Variants in PID1 observed in about 807,000 individuals in gnomAD.
PID1 encodes phosphotyrosine interaction domain containing 1.
A neutral mutation model predicts 19.1 loss-of-function variants in PID1; 10 were observed. That is an observed-to-expected ratio of 0.52 (90% CI 0.32 to 0.89). The LOEUF (loss-of-function observed/expected upper bound fraction) is 0.89, where lower values mean the gene tolerates loss of function less well. PID1 is among the 40% of genes least tolerant of loss of function. PID1 has a pLI of 0.03. For synonymous variants in PID1, 130 were observed against 116.0 expected (o/e 1.12, Z -0.78); for missense variants, 248 against 285.3 (o/e 0.87, Z 0.94).
At chr2:229,253,629 T>G (rs1690211349) in intron 1 of PID1, among the ~76,000 whole-genome samples, 1 of 150,888 alleles carries the variant, frequency 6.6e-6, no homozygotes, top group Non-Finnish European at 1.5e-5. Context: ...TTTCTCCATC[T>G]CCCAGTTAAG....
At chr2:229,126,914 A>G (rs933085169) in intron 2 of PID1, among the ~76,000 whole-genome samples, 1 of 152,214 alleles carries the variant, frequency 6.6e-6, no homozygotes, top group African/African-American at 2.4e-5. Flanking sequence ...ACACTCTAAT[A>G]AGGCGAAGCT....
intron 1 of PID1, among the ~76,000 whole-genome samples, chr2:229,202,851 A>G (rs1559283138): frequency 6.6e-6 from 1 of 152,112 alleles, no homozygotes; most frequent in Non-Finnish European, 1.5e-5. Context: ...AGAATAACAG[A>G]TATATGGTTA....
chr2:229,158,933 G>A (rs1690437158), intron 1 of PID1, among the ~76,000 whole-genome samples: 1 of 152,092 alleles, frequency 6.6e-6, no homozygotes, highest in Admixed American at 6.5e-5. Context: ...AGGCTGTGAA[G>A]GGTAGGGGGG....
At chr2:229,064,992 C>T (rs1474342325) in intron 2 of PID1, among the ~76,000 whole-genome samples, 3 of 152,060 alleles carry the variant, frequency 2.0e-5, no homozygotes, top group Non-Finnish European at 4.4e-5. Context: ...CCTGGAGTAG[C>T]CTTTTAAGTG....
chr2:229,252,812 A>G (rs1351786489), intron 1 of PID1, among the ~76,000 whole-genome samples: 2 of 152,184 alleles, frequency 1.3e-5, no homozygotes, highest in African/African-American at 4.8e-5. Context: ...GTTGCACAAC[A>G]CTTCCCCAAA....
intron 1 of PID1, among the ~76,000 whole-genome samples, chr2:229,221,666 A>T (rs1301473566): frequency 6.6e-6 from 1 of 152,176 alleles, no homozygotes; most frequent in Non-Finnish European, 1.5e-5. Context: ...GGCCACAGAT[A>T]ATCATGCTCA....
Position 229,271,197 on chromosome 2 carries a change from T to C in PID1, c.-154A>G, listed in dbSNP as rs1690729882. The C allele has an allele frequency of 4.7e-5, 35 of 739,320 alleles. No homozygotes were observed. In the South Asian group the frequency reaches 7.0e-4, roughly 15 times the overall value. 45.8% of individuals were successfully genotyped at this position (739,320 alleles called of 1,614,324 possible). A position where few individuals can be genotyped will look rare whatever the true frequency, so the allele number is the denominator to read the frequency against. ...CCGCCGCCGGGTGGGCGTAGGGGGC[T>C]GCGAGCAGGAGGAGGCGCGGCGCTC... is the stretch of plus-strand genomic sequence containing the variant. On this transcript the variant is annotated 5_prime_UTR_variant, in exon 1 of 3. Coordinates refer to ENST00000392055, the MANE Select transcript of PID1 (RefSeq NM_001100818.2).
chr2:229,264,848 G>A (rs1690550984), intron 1 of PID1, among the ~76,000 whole-genome samples: 1 of 152,168 alleles, frequency 6.6e-6, no homozygotes, highest in Non-Finnish European at 1.5e-5. Flanking sequence ...CCCACACCCA[G>A]CATAGTACTT....
chr2:229,033,064 C>T lies in PID1; in HGVS notation c.178-6956G>A, dbSNP rs185940079. Among the ~76,000 whole-genome samples the T allele has an allele frequency of 8.5e-5, 13 of 152,192 alleles. No individual in the cohort carries two copies. The South Asian group carries it at 1.0e-3, about 12-fold the overall frequency. On this transcript the variant is annotated intron_variant, in intron 2 of 2. Coordinates refer to ENST00000392055, the MANE Select transcript of PID1 (RefSeq NM_001100818.2). ...CTGTGGCAAAACAAACTTGGTTGCC[C>T]GACATTTATCCTTCTGGTTGAGCAG...
Position 229,155,936 on chromosome 2 carries a change from A to C in PID1, c.59T>G (p.Leu20Trp). The C allele has an allele frequency of 6.2e-7, 1 of 1,613,942 alleles. No homozygotes were observed. The highest frequency in any genetic ancestry group is 8.5e-7 in the Non-Finnish European group (1 of 1,179,990). ...QHFQTMLKSK[L>W]NVLTLKKEPL... is the part of the protein sequence containing the mutation. The stretch of plus-strand genomic sequence containing the variant: ...TTCCTTTTTCAGTGTTAAGACATTC[A>C]ATTTAGACTTCAGCATGGTCTGAAA... The change falls in exon 2 of 3, where the codon TTG becomes TGG. Residue 20 changes from leucine (L) to tryptophan (W), a missense_variant. By Grantham distance (61) the Leu-to-Trp change is moderately conservative. Transcript: ENST00000392055.
intron 1 of PID1, among the ~76,000 whole-genome samples, chr2:229,198,326 G>T (rs980586523): frequency 4.6e-5 from 7 of 151,994 alleles, no homozygotes; most frequent in Non-Finnish European, 8.8e-5. Context: ...TCTACCCTCA[G>T]AAGCAGTTGA....
chr2:229,100,221 T>C (rs1695049822), intron 2 of PID1, among the ~76,000 whole-genome samples: 1 of 152,236 alleles, frequency 6.6e-6, no homozygotes, highest in Non-Finnish European at 1.5e-5. Flanking sequence ...GAATTTGTCA[T>C]AGCAGTCCAA....
intron 1 of PID1, among the ~76,000 whole-genome samples, chr2:229,264,526 T>C (rs554448362): frequency 6.6e-6 from 1 of 152,254 alleles, no homozygotes; most frequent in African/African-American, 2.4e-5. Context: ...CCCACTATCA[T>C]ATATGAACCT....
At chr2:229,249,065 G>A (rs1453080720) in intron 1 of PID1, among the ~76,000 whole-genome samples, 1 of 152,062 alleles carries the variant, frequency 6.6e-6, no homozygotes, top group African/African-American at 2.4e-5. Flanking sequence ...CAGATTCTAT[G>A]TTTTATATTT....
At chr2:229,056,813 C>T (rs1297120408) in intron 2 of PID1, among the ~76,000 whole-genome samples, 1 of 151,974 alleles carries the variant, frequency 6.6e-6, no homozygotes, top group Non-Finnish European at 1.5e-5. Context: ...GGTGGTTCAT[C>T]CTCTAATACA....
chr2:229,242,064 C>T (rs1170988565), intron 1 of PID1, among the ~76,000 whole-genome samples: 2 of 152,026 alleles, frequency 1.3e-5, no homozygotes, highest in African/African-American at 4.8e-5. Context: ...GATCTCACTA[C>T]ATCATTATTT....
intron 2 of PID1, among the ~76,000 whole-genome samples, chr2:229,059,633 A>G (rs1439631879): frequency 6.6e-6 from 1 of 152,208 alleles, no homozygotes; most frequent in Non-Finnish European, 1.5e-5. Flanking sequence ...AAAACTGTAC[A>G]CTAAATTAAA....
At chr2:229,122,147 C>T (rs996782175) in intron 2 of PID1, among the ~76,000 whole-genome samples, 13 of 152,012 alleles carry the variant, frequency 8.6e-5, no homozygotes, top group African/African-American at 1.7e-4. Flanking sequence ...CTGGTTGAGG[C>T]GAAGAGTTTC....
At chr2:229,248,076 A>C (rs1201718316) in intron 1 of PID1, among the ~76,000 whole-genome samples, 1 of 152,100 alleles carries the variant, frequency 6.6e-6, no homozygotes, top group Non-Finnish European at 1.5e-5. Flanking sequence ...TTCATCCCTA[A>C]ATATATCAGT....
Sources: allele counts gnomAD v4.1 joint callset (sites outside exome capture counted in the v4.1 genomes callset), GRCh38; gene constraint gnomAD v4.1.1; transcripts MANE v1.5; gene names NCBI Gene and HGNC (gene_info 2026-07-23, HGNC 2026-07-21).